The following SLC25A29 variants were observed in gnomAD, a reference collection of about 807,000 sequenced individuals.
The protein encoded by SLC25A29 is mitochondrial basic amino acids transporter.
SLC25A29 carries 13 observed loss-of-function variants against 10.0 expected under a neutral mutation model. The ratio of observed to expected loss-of-function variants is 1.30; its 90% CI spans 0.85 to 2.07. The LOEUF is 2.07. SLC25A29 is among the 30% of genes most tolerant of loss of function. The pLI, the probability that SLC25A29 is intolerant of heterozygous loss-of-function variation, is 0.00. For synonymous variants in SLC25A29, 244 were observed against 221.1 expected (o/e 1.10, Z -0.92); for missense variants, 475 against 447.6 (o/e 1.06, Z -0.55).
rs538894636 is a variant in SLC25A29, at chr14:100,291,910, G to A, written c.*373C>T. The A allele has an allele frequency of 9.2e-5, 27 of 294,540 alleles. No homozygotes were observed. Among genetic ancestry groups the A allele is most frequent in the South Asian group, 7.7e-4 (25 of 32,510 alleles). The allele number at this position is 294,540 out of a possible 1,614,324, so 18.2% of individuals were successfully genotyped here. A position where few individuals can be genotyped will look rare whatever the true frequency, so the allele number is the denominator to read the frequency against. ...CCTTGGTTGGCCATCAGAGACCCCC[G>A]GGAGCCAGCCTGCAGGGCAGGAGCA... On this transcript the variant is annotated 3_prime_UTR_variant, in exon 4 of 4. Coordinates refer to ENST00000359232, the MANE Select transcript of SLC25A29 (RefSeq NM_001039355.3).
intron 1 of SLC25A29, among the ~76,000 whole-genome samples, chr14:100,301,142 G>A (rs994256944): frequency 6.0e-5 from 9 of 151,132 alleles, no homozygotes; most frequent in Admixed American, 3.9e-4. Flanking sequence ...CTTGTGGCCC[G>A]CCCACTTTGG....
In SLC25A29 at chr14:100,292,803, T is replaced by C. The variant is rs774339832; in HGVS notation, c.392A>G (p.Tyr131Cys). 5.0e-6 allele frequency: 8 copies of C among 1,592,980 alleles called. No homozygotes were observed. In the East Asian group the frequency reaches 1.6e-4, roughly 32 times the overall value. ...QLQDAGPART[Y>C]KGSLDCLAQI... ...CGCGAGGCAGTCCAGCGAGCCCTTG[T>C]AGGTGCGCGCTGGGCCCGCGTCCTG... Residue 131 changes from tyrosine (Y) to cysteine (C), a missense_variant, in exon 4 of 4, where the codon TAC becomes TGC. Coordinates refer to ENST00000359232, the MANE Select transcript of SLC25A29 (RefSeq NM_001039355.3).
intron 1 of SLC25A29, chr14:100,299,538 G>A (rs1379748603): frequency 4.1e-6 from 4 of 986,048 alleles, no homozygotes; most frequent in Non-Finnish European, 4.8e-6. Context: ...GCTTGTGACT[G>A]TGCGGTCATC....
chr14:100,283,935 G>A, the SLC25A29 span, among the ~76,000 whole-genome samples: 3 of 152,206 alleles, frequency 2.0e-5, no homozygotes, highest in South Asian at 6.2e-4. Flanking sequence ...AGGCCGGAGT[G>A]CAGTGGCACG....
At chr14:100,280,461 G>A in the SLC25A29 span, 1 of 152,228 alleles carries the variant, frequency 6.6e-6, no homozygotes, top group Admixed American at 6.5e-5. Context: ...GGAGTTGAGA[G>A]GGGGAGCATA....
chr14:100,278,839 C>T, the SLC25A29 span: 1 of 152,280 alleles, frequency 6.6e-6, no homozygotes, highest in East Asian at 1.9e-4. Flanking sequence ...GTGGGGCACA[C>T]AGAGGGAAGA....
intron 2 of SLC25A29, chr14:100,294,379 TCA>T (rs1891998079): frequency 6.6e-6 from 1 of 152,232 alleles, no homozygotes; most frequent in African/African-American, 2.4e-5. Flanking sequence ...AATAGGAGGC[TCA>T]GAGTTGCAGA....
intron 1 of SLC25A29, 30 bp downstream of exon 1, chr14:100,306,169 C>A: frequency 7.0e-7 from 1 of 1,433,546 alleles, no homozygotes. Flanking sequence ...ACGCCTCGCC[C>A]CGGCCCGGCC....
intron 1 of SLC25A29, among the ~76,000 whole-genome samples, chr14:100,300,486 G>A (rs1892469218): frequency 1.3e-5 from 2 of 151,848 alleles, no homozygotes; most frequent in African/African-American, 2.4e-5. Flanking sequence ...GGGCTCAATC[G>A]ACCCTCCTGC....
At position 100,306,207 on chromosome 14, in the gene SLC25A29, C is replaced by T. The variant is rs1892939795; in HGVS notation, c.26G>A (p.Cys9Tyr). Residue 9 changes from cysteine to tyrosine, a missense_variant, in exon 1 of 4, where the codon TGC becomes TAC. Coordinates refer to ENST00000359232, the MANE Select transcript of SLC25A29 (RefSeq NM_001039355.3). MALDFLAG[C>Y]AGGVAGVLVG... The stretch of plus-strand genomic sequence containing the variant: ...GCCCGCCGCCTCCTTACCCCCCGCG[C>T]ATCCAGCCAAGAAGTCCAGCGCCAT... The T allele has an allele frequency of 6.6e-7, 1 of 1,513,156 alleles. No individual in the cohort carries two copies. The highest frequency in any genetic ancestry group is 8.8e-7 in the Non-Finnish European group (1 of 1,138,000). 93.7% of individuals were successfully genotyped at this position (1,513,156 alleles called of 1,614,324 possible).
Position 100,292,141 on chromosome 14 carries a change from G to T in SLC25A29, c.*142C>A. 1 of 1,141,252 alleles carries T rather than the reference G, an allele frequency of 8.8e-7. No individual in the cohort carries two copies. The highest frequency in any genetic ancestry group is 1.3e-6 in the Non-Finnish European group (1 of 796,464). The allele number at this position is 1,141,252 out of a possible 1,614,324, so 70.7% of individuals were successfully genotyped here. On this transcript the variant is annotated 3_prime_UTR_variant, in exon 4 of 4. Coordinates refer to ENST00000359232, the MANE Select transcript of SLC25A29 (RefSeq NM_001039355.3). ...TGCAGTTCTCGGCCAAAACTACCCA[G>T]CTGATCAGCAAAATTCAGCCCACGT...
the SLC25A29 span, chr14:100,278,877 T>A: frequency 6.6e-6 from 1 of 152,350 alleles, no homozygotes; most frequent in East Asian, 1.9e-4. Flanking sequence ...CCGGCTGCCT[T>A]CAGAGGCAGC....
chr14:100,295,590 C>A, intron 2 of SLC25A29: 1 of 1,284,244 alleles, frequency 7.8e-7, no homozygotes, highest in Middle Eastern at 2.5e-4. Context: ...AGGGTGGGGT[C>A]CAGGCTGGGA....
chr14:100,283,664 T>TAG, the SLC25A29 span, among the ~76,000 whole-genome samples: 4 of 151,916 alleles, frequency 2.6e-5, no homozygotes, highest in Middle Eastern at 6.8e-3. Flanking sequence ...GTATTTTTAG[T>TAG]AGAGATGGGG....
At position 100,303,126 on chromosome 14, in the gene SLC25A29, C is replaced by G. The variant is rs113616725; in HGVS notation, c.34+3073G>C. ...CTGATTTTCTGGGAGGCCTTTGCAT[C>G]CTGGAAACAGGAAATCCATCCTCTT... On this transcript the variant is annotated intron_variant, in intron 1 of 3. Coordinates refer to ENST00000359232, the MANE Select transcript of SLC25A29 (RefSeq NM_001039355.3). Among the ~76,000 whole-genome samples the G allele has an allele frequency of 5.8e-3, 878 of 152,304 alleles. 7 individuals are homozygous for G. Among genetic ancestry groups the G allele is most frequent in the African/African-American group, 0.02 (843 of 41,556 alleles).
chr14:100,306,118 G>T (rs1892927524), intron 1 of SLC25A29, 81 bp downstream of exon 1: 1 of 1,074,614 alleles, frequency 9.3e-7, no homozygotes, highest in South Asian at 1.9e-5. Flanking sequence ...GCGGGAAGCC[G>T]CGAGGCCAGG....
At chr14:100,305,287 C>T (rs1892845835) in intron 1 of SLC25A29, 3 of 152,066 alleles carry the variant, frequency 2.0e-5, no homozygotes, top group Non-Finnish European at 4.4e-5. Flanking sequence ...TTATTCGAGC[C>T]AAATCCAAGT....
chr14:100,305,296 G>A (rs564449216), intron 1 of SLC25A29: 1 of 152,294 alleles, frequency 6.6e-6, no homozygotes, highest in African/African-American at 2.4e-5. Flanking sequence ...CCAAATCCAA[G>A]TAGATGAAGA....
At chr14:100,293,435 G>C in intron 2 of SLC25A29, 58 bp from the exon 3 acceptor site, 1 of 1,533,970 alleles carries the variant, frequency 6.5e-7, no homozygotes, top group Admixed American at 1.7e-5. Flanking sequence ...CCCAGCTCCC[G>C]GGTCTGGTGC....
Sources: allele counts gnomAD v4.1 joint callset (sites outside exome capture counted in the v4.1 genomes callset), GRCh38; gene constraint gnomAD v4.1.1; transcripts MANE v1.5; gene names NCBI Gene and HGNC (gene_info 2026-07-23, HGNC 2026-07-21).